Variants in EPM2A observed in about 807,000 individuals in gnomAD.
EPM2A encodes the protein EPM2A glucan phosphatase, laforin.
A neutral mutation model predicts 26.5 loss-of-function variants in EPM2A; 21 were observed. The ratio of observed to expected loss-of-function variants is 0.79; its 90% confidence interval spans 0.56 to 1.14. EPM2A has a LOEUF of 1.14. EPM2A is among the 50% of genes most tolerant of loss of function. The probability of loss-of-function intolerance (pLI) is 0.00; values close to 1 mark genes in which losing one functional copy is unlikely to be tolerated. For missense variants in EPM2A, 458 were observed against 440.8 expected (o/e 1.04, Z -0.35); for synonymous variants, 217 against 177.6 (o/e 1.22, Z -1.76).
intron 1 of EPM2A, among the ~76,000 whole-genome samples, chr6:145,730,065 T>A (rs1240937365): frequency 6.6e-6 from 1 of 152,208 alleles, no homozygotes; most frequent in Non-Finnish European, 1.5e-5. Flanking sequence ...TCGTCCCTGC[T>A]TCCCCTTCAT....
chr6:145,518,978 T>C (rs778548233), intron 2 of EPM2A, among the ~76,000 whole-genome samples: 13 of 152,124 alleles, frequency 8.5e-5, no homozygotes, highest in East Asian at 1.9e-4. Context: ...TCCAAAACCA[T>C]AGCAAAAATG....
intron 4 of EPM2A, among the ~76,000 whole-genome samples, chr6:145,398,616 G>A (rs559372261): frequency 1.3e-4 from 20 of 152,098 alleles, no homozygotes; most frequent in African/African-American, 4.1e-4. Flanking sequence ...GACTACAGGC[G>A]TGAGCCACTG....
intron 4 of EPM2A, chr6:145,490,240 A>G: frequency 8.1e-7 from 1 of 1,229,756 alleles, no homozygotes; most frequent in Non-Finnish European, 1.1e-6. Context: ...ACCACAAGTC[A>G]CATAAAGAAC....
chr6:145,525,775 C>T (rs1780263005), intron 2 of EPM2A, among the ~76,000 whole-genome samples: 3 of 151,996 alleles, frequency 2.0e-5, no homozygotes, highest in African/African-American at 7.2e-5. Context: ...TATTTGGATA[C>T]CTTTCATTTC....
chr6:145,587,672 G>C (rs1039535251), intron 2 of EPM2A, among the ~76,000 whole-genome samples: 1 of 152,156 alleles, frequency 6.6e-6, no homozygotes. Context: ...TCCTTGCAAT[G>C]TATCACACAA....
At chr6:145,437,073 T>C (rs1266512681) in intron 4 of EPM2A, among the ~76,000 whole-genome samples, 1 of 152,204 alleles carries the variant, frequency 6.6e-6, no homozygotes, top group East Asian at 1.9e-4. Flanking sequence ...CCAAATTTCA[T>C]GTGGAATTGT....
Position 145,601,341 on chromosome 6 carries a change from T to G in EPM2A, c.340+33904A>C, listed in dbSNP as rs540503340. ...GTGTGTGTTGTTTTTGTTTTTGATG[T>G]TGTTTTGGCCAGGTATTCATTGGGA... On this transcript the variant is annotated intron_variant, in intron 2 of 3. Coordinates refer to the EPM2A transcript ENST00000450221. Among the ~76,000 whole-genome samples the G allele has an allele frequency of 7.2e-5, 11 of 152,286 alleles. No individual in the cohort carries two copies. In the East Asian group the frequency reaches 2.1e-3, roughly 29 times the overall value.
At chr6:145,459,807 T>C (rs1331605613) in intron 4 of EPM2A, among the ~76,000 whole-genome samples, 6 of 152,074 alleles carry the variant, frequency 3.9e-5, no homozygotes, top group Non-Finnish European at 7.4e-5. Context: ...TTTAGAAAAA[T>C]AATCTGGAAG....
intron 2 of EPM2A, among the ~76,000 whole-genome samples, chr6:145,599,892 A>G (rs1026451210): frequency 6.6e-6 from 1 of 152,110 alleles, no homozygotes; most frequent in Non-Finnish European, 1.5e-5. Flanking sequence ...CAAAAATTGA[A>G]CACTGTTACA....
At chr6:145,573,015 C>T (rs1240668999) in intron 2 of EPM2A, among the ~76,000 whole-genome samples, 1 of 152,230 alleles carries the variant, frequency 6.6e-6, no homozygotes, top group Non-Finnish European at 1.5e-5. Flanking sequence ...ACAGGCCCCA[C>T]ACCACTGGAC....
chr6:145,502,348 A>G (rs902624933), intron 3 of EPM2A, among the ~76,000 whole-genome samples: 1 of 152,216 alleles, frequency 6.6e-6, no homozygotes, highest in Non-Finnish European at 1.5e-5. Flanking sequence ...CCAAGGCCAA[A>G]CTCAGCCTGC....
intron 2 of EPM2A, among the ~76,000 whole-genome samples, chr6:145,593,605 A>T (rs1781303370): frequency 6.6e-6 from 1 of 152,110 alleles, no homozygotes; most frequent in Non-Finnish European, 1.5e-5. Context: ...AATGGATGTA[A>T]CTAGAATTTA....
At chr6:145,660,062 T>G (rs1318472532) in intron 2 of EPM2A, among the ~76,000 whole-genome samples, 2 of 152,126 alleles carry the variant, frequency 1.3e-5, no homozygotes, top group Non-Finnish European at 2.9e-5. Flanking sequence ...TAAATTTAAT[T>G]TTTCTGAAAA....
At chr6:145,631,915 C>T (rs1050921279) in intron 3 of EPM2A, 3 of 151,632 alleles carry the variant, frequency 2.0e-5, no homozygotes, top group Non-Finnish European at 4.4e-5. Flanking sequence ...TCCTTTCTTA[C>T]TCCAGGAGCA....
chr6:145,648,007 G>A (rs948122803), intron 2 of EPM2A, among the ~76,000 whole-genome samples: 1 of 152,066 alleles, frequency 6.6e-6, no homozygotes, highest in Non-Finnish European at 1.5e-5. Flanking sequence ...TTAACTGCCA[G>A]AAAAAAGACA....
intron 2 of EPM2A, among the ~76,000 whole-genome samples, chr6:145,584,711 C>A (rs1781164720): frequency 6.6e-6 from 1 of 152,166 alleles, no homozygotes; most frequent in Admixed American, 6.5e-5. Context: ...CCATGACTCA[C>A]TGAGGGTCAG....
At chr6:145,461,400 C>T (rs1779327619) in intron 4 of EPM2A, among the ~76,000 whole-genome samples, 1 of 152,104 alleles carries the variant, frequency 6.6e-6, no homozygotes, top group Admixed American at 6.6e-5. Context: ...AAATGCAATG[C>T]CACAGTTTGT....
chr6:145,494,678 G>A (rs1161837710), intron 4 of EPM2A, among the ~76,000 whole-genome samples: 1 of 152,128 alleles, frequency 6.6e-6, no homozygotes, highest in Admixed American at 6.5e-5. Flanking sequence ...ATTCTGGTAT[G>A]TTGTATCTTT....
chr6:145,570,443 T>G (rs988573167), intron 2 of EPM2A, among the ~76,000 whole-genome samples: 2 of 152,200 alleles, frequency 1.3e-5, no homozygotes, highest in African/African-American at 4.8e-5. Flanking sequence ...TGATGTGAAG[T>G]CAATAAATCT....
Sources: allele counts gnomAD v4.1 joint callset (sites outside exome capture counted in the v4.1 genomes callset), GRCh38; gene constraint gnomAD v4.1.1; transcripts MANE v1.5; gene names NCBI Gene and HGNC (gene_info 2026-07-23, HGNC 2026-07-21).